SCIMP: variants seen among roughly 807,000 people sequenced by gnomAD.
The protein encoded by SCIMP is SLP adaptor and CSK interacting membrane protein.
A neutral mutation model predicts 22.0 loss-of-function variants in SCIMP; 18 were observed. That is an observed-to-expected ratio of 0.82 (90% confidence interval 0.56 to 1.21). The LOEUF (loss-of-function observed/expected upper bound fraction) is 1.21, where lower values mean the gene tolerates loss of function less well. Among genes scored for constraint, SCIMP ranks in the 50% most tolerant of loss-of-function variants. SCIMP has a pLI of 0.00. For synonymous variants in SCIMP, 53 were observed against 62.2 expected (o/e 0.85, Z 0.70); for missense variants, 155 against 171.2 (o/e 0.91, Z 0.53).
Position 5,210,757 on chromosome 17 carries a change from G to A in SCIMP, c.*44C>T. ...ATTCTTGATTGTTTTAAAATAAGTT[G>A]TGTGAACCCTCTTCAGTTTTGCCAA... On this transcript the variant is annotated 3_prime_UTR_variant, in exon 5 of 5. Transcript: ENST00000574081. The A allele has an allele frequency of 6.3e-7, 1 of 1,588,508 alleles. No homozygotes were observed. The highest frequency in any genetic ancestry group is 8.5e-7 in the Non-Finnish European group (1 of 1,171,048).
At chr17:5,223,543 G>GT (rs371714640) in intron 1 of SCIMP, 87 bp from the exon 2 acceptor site, 28,792 of 1,128,952 alleles carry the variant, frequency 0.026, 2 homozygotes, top group East Asian at 0.03. Flanking sequence ...ACTGTGGGTT[G>GT]TTTTTTTTTT....
intron 1 of SCIMP, among the ~76,000 whole-genome samples, chr17:5,227,603 G>C (rs983301920): frequency 1.3e-5 from 2 of 152,176 alleles, no homozygotes. Flanking sequence ...GCAGGAAGTT[G>C]AGAGCTCACA....
intron 1 of SCIMP, among the ~76,000 whole-genome samples, chr17:5,232,481 A>G (rs987382977): frequency 2.9e-5 from 4 of 135,952 alleles, no homozygotes; most frequent in East Asian, 5.2e-4. Flanking sequence ...ATTGCTGACC[A>G]TGGAAAAAGA....
chr17:5,209,052 C>G lies in SCIMP; in HGVS notation c.*1749G>C, dbSNP rs992151307. The G allele has an allele frequency of 5.3e-5, 8 of 152,194 alleles. No homozygotes were observed. Among genetic ancestry groups the G allele is most frequent in the Non-Finnish European group, 1.5e-5 (1 of 68,042 alleles). The allele number at this position is 152,194 out of a possible 1,614,324, so 9.4% of individuals were successfully genotyped here. A position where few individuals can be genotyped will look rare whatever the true frequency, so the allele number is the denominator to read the frequency against. On this transcript the variant is annotated 3_prime_UTR_variant, in exon 5 of 5. Coordinates refer to ENST00000574081, the MANE Select transcript of SCIMP (RefSeq NM_207103.3). The stretch of plus-strand genomic sequence containing the variant: ...TGTTCTATAATTTGGGAAGAGTCCT[C>G]TCTTTGGCTGGTGGGATACCAGAGT...
chr17:5,234,733 AC>A lies in SCIMP; in HGVS notation c.21+1del. On this transcript the variant is annotated splice_donor_variant, in intron 1 of 4. Transcript: ENST00000574081. LOFTEE classifies it high-confidence loss of function. ...TGTCCCTTGGAAAGCTGAGATGCTTACCTGAACTGTGAAAGTATCCATATGT... is the reference window on the plus strand; with the variant it reads ...TGTCCCTTGGAAAGCTGAGATGCTTACTGAACTGTGAAAGTATCCATATGT... 1 of 1,612,202 alleles carries A rather than the reference AC, an allele frequency of 6.2e-7. No homozygotes were observed.
At chr17:5,233,641 G>C (rs1322491351) in intron 1 of SCIMP, among the ~76,000 whole-genome samples, 1 of 152,148 alleles carries the variant, frequency 6.6e-6, no homozygotes, top group Non-Finnish European at 1.5e-5. Context: ...AAAGTGCTGG[G>C]ATTAGAGGCG....
chr17:5,220,082 T>C (rs1046850264), intron 3 of SCIMP, among the ~76,000 whole-genome samples: 1 of 152,168 alleles, frequency 6.6e-6, no homozygotes, highest in African/African-American at 2.4e-5. Context: ...TTCTCAAGCC[T>C]AAGAGTGGCC....
intron 1 of SCIMP, among the ~76,000 whole-genome samples, chr17:5,231,040 G>T (rs1280775792): frequency 6.6e-6 from 1 of 152,074 alleles, no homozygotes; most frequent in Admixed American, 6.6e-5. Flanking sequence ...CTGACATATA[G>T]GTCATCATAG....
At chr17:5,213,136 A>G in intron 4 of SCIMP, 3 of 984,232 alleles carry the variant, frequency 3.0e-6, no homozygotes, top group Non-Finnish European at 3.6e-6. Flanking sequence ...TGAAAGGCCT[A>G]GTGACACCCC....
intron 1 of SCIMP, among the ~76,000 whole-genome samples, chr17:5,224,007 T>A (rs1485585796): frequency 6.6e-6 from 1 of 152,234 alleles, no homozygotes; most frequent in Non-Finnish European, 1.5e-5. Flanking sequence ...CCTACTTCAC[T>A]GAGGTTTGTG....
intron 1 of SCIMP, among the ~76,000 whole-genome samples, chr17:5,232,394 A>G (rs2074708112): frequency 6.6e-6 from 1 of 151,668 alleles, no homozygotes; most frequent in East Asian, 2.0e-4. Flanking sequence ...AGTGCAGTAT[A>G]AACAGTATAA....
At chr17:5,233,012 C>T (rs1347705690) in intron 1 of SCIMP, among the ~76,000 whole-genome samples, 1 of 151,962 alleles carries the variant, frequency 6.6e-6, no homozygotes, top group African/African-American at 2.4e-5. Flanking sequence ...GAGCCTCGCT[C>T]CACTTGTCCT....
At chr17:5,215,768 A>G (rs1171751118) in intron 3 of SCIMP, among the ~76,000 whole-genome samples, 2 of 152,250 alleles carry the variant, frequency 1.3e-5, no homozygotes, top group Non-Finnish European at 2.9e-5. Context: ...GTTCAGAGCA[A>G]CACTATTCAT....
rs1351278036 is a variant in SCIMP at position 5,210,930 on chromosome 17, C to T, written c.309G>A (p.Pro103=). ...DSSPQEAPSQ[P]PATYSLVNKV... is the part of the protein sequence containing the mutation. ...TATTTACCAGTGAGTATGTAGCGGGCGGCTGACTTGGGGCTTCCTGTGGGG... is the reference window on the plus strand; with the variant it reads ...TATTTACCAGTGAGTATGTAGCGGGTGGCTGACTTGGGGCTTCCTGTGGGG... Residue 103 remains proline, a synonymous_variant, in exon 5 of 5, where the codon CCG becomes CCA. Transcript: ENST00000574081. 31 of 1,612,578 alleles carry T rather than the reference C, an allele frequency of 1.9e-5. No homozygotes were observed. The highest frequency in any genetic ancestry group is 2.2e-5 in the East Asian group (1 of 44,876).
At chr17:5,230,909 C>G (rs2074688673) in intron 1 of SCIMP, among the ~76,000 whole-genome samples, 1 of 152,180 alleles carries the variant, frequency 6.6e-6, no homozygotes. Flanking sequence ...TCAGTGCACT[C>G]TAGCCTGGGT....
Sources: gnomAD v4.1 joint callset for allele counts (sites outside exome capture counted in the v4.1 genomes callset) on GRCh38, gnomAD v4.1.1 for gene constraint, MANE v1.5 for transcripts, NCBI Gene and HGNC (gene_info 2026-07-23, HGNC 2026-07-21) for gene names.